Variants in DMXL1 observed in about 807,000 individuals in gnomAD.
The protein encoded by DMXL1 is Dmx like 1.
In DMXL1, 99 loss-of-function variants were observed where a neutral mutation model predicts 319.2. The observed-to-expected ratio is 0.31, with a 90% CI of 0.26 to 0.37. The LOEUF (loss-of-function observed/expected upper bound fraction) is 0.37. DMXL1 is among the 10% of genes least tolerant of loss of function. The pLI, the probability that DMXL1 is intolerant of heterozygous loss-of-function variation, is 1.00. For missense variants in DMXL1, 3,745 were observed against 3,595.6 expected (o/e 1.04, Z -1.06); for synonymous variants, 1,385 against 1,235.2 (o/e 1.12, Z -2.54).
At chr5:119,239,131 T>A in intron 41 of DMXL1, 51 bp downstream of exon 41, 1 of 1,580,646 alleles carries the variant, frequency 6.3e-7, no homozygotes, top group Non-Finnish European at 8.6e-7. Context: ...GCTGAACTTT[T>A]TTTTATTGTT....
At chr5:119,138,252 G>GA (rs567557370) in intron 13 of DMXL1, among the ~76,000 whole-genome samples, 3 of 151,990 alleles carry the variant, frequency 2.0e-5, no homozygotes, top group Admixed American at 6.5e-5. Context: ...GTATGTGTGA[G>GA]AAAAAAAGAG....
chr5:119,152,889 T>C (rs1401979670), intron 19 of DMXL1, among the ~76,000 whole-genome samples: 4 of 152,224 alleles, frequency 2.6e-5, no homozygotes, highest in Non-Finnish European at 5.9e-5. Context: ...CTCTGTCTCT[T>C]TGTTTCTCTC....
At chr5:119,154,865 G>A (rs1013680388) in intron 19 of DMXL1, 2 of 152,182 alleles carry the variant, frequency 1.3e-5, no homozygotes, top group Non-Finnish European at 2.9e-5. Context: ...TCTTGTTAGG[G>A]GCTAATGCAG....
chr5:119,100,540 A>G (rs1757016079), intron 2 of DMXL1: 1 of 151,880 alleles, frequency 6.6e-6, no homozygotes, highest in Non-Finnish European at 1.5e-5. Context: ...TTCTGAGAAA[A>G]TTAATCCTCA....
At chr5:119,080,964 G>A (rs1360255327) in intron 1 of DMXL1, among the ~76,000 whole-genome samples, 6 of 152,080 alleles carry the variant, frequency 3.9e-5, no homozygotes, top group Non-Finnish European at 7.4e-5. Context: ...CATCCCTAAA[G>A]GCTTGGTTTT....
Position 119,071,226 on chromosome 5 carries a change from G to A in DMXL1, c.-344G>A, listed in dbSNP as rs1749456002. The A allele has an allele frequency of 6.5e-6, 2 of 306,992 alleles. No individual in the cohort carries two copies. Among genetic ancestry groups the A allele is most frequent in the Non-Finnish European group, 1.2e-5 (2 of 162,460 alleles). 19.0% of individuals were successfully genotyped at this position (306,992 alleles called of 1,614,324 possible). A position where few individuals can be genotyped will look rare whatever the true frequency, so the allele number is the denominator to read the frequency against. On this transcript the variant is annotated 5_prime_UTR_variant, in exon 1 of 44. Coordinates refer to ENST00000539542, the MANE Select transcript of DMXL1 (RefSeq NM_001290321.3). ...AGGAGCGGCTGCCCGAGGTCCAGAG[G>A]AAGTGTGTGGACAGCGCGGCCTTCC...
intron 23 of DMXL1, among the ~76,000 whole-genome samples, chr5:119,168,262 A>G (rs1773836022): frequency 1.3e-5 from 2 of 152,176 alleles, no homozygotes. Flanking sequence ...TGATAAGAAA[A>G]TCTTTAGCTA....
Position 119,177,977 on chromosome 5 carries a change from T to C in DMXL1, c.6887-19T>C. ...AAAAATTTATAGTCAGTGACAGCTATGTTTGTTTGTCGTTCTAGGAATAAC... is the reference window on the plus strand; with the variant it reads ...AAAAATTTATAGTCAGTGACAGCTACGTTTGTTTGTCGTTCTAGGAATAAC... On this transcript the variant is annotated intron_variant, in intron 27 of 43. Transcript: ENST00000539542. 1 of 1,573,588 alleles carries C rather than the reference T, an allele frequency of 6.4e-7. No homozygotes were observed. Among genetic ancestry groups the C allele is most frequent in the Non-Finnish European group, 8.6e-7 (1 of 1,159,468 alleles).
intron 26 of DMXL1, among the ~76,000 whole-genome samples, chr5:119,175,956 T>C (rs1224256632): frequency 2.0e-5 from 3 of 152,110 alleles, no homozygotes; most frequent in Non-Finnish European, 4.4e-5. Flanking sequence ...ATCTCTCTTC[T>C]ATCTTTCCTA....
chr5:119,095,259 T>C (rs1048298922), intron 1 of DMXL1, among the ~76,000 whole-genome samples: 1 of 152,224 alleles, frequency 6.6e-6, no homozygotes, highest in African/African-American at 2.4e-5. Flanking sequence ...AGTAGTATGA[T>C]GCAGCAGCAG....
chr5:119,118,981 G>C lies in DMXL1; in HGVS notation c.910G>C (p.Glu304Gln). 1 of 1,611,638 alleles carries C rather than the reference G, an allele frequency of 6.2e-7. No individual in the cohort carries two copies. Among genetic ancestry groups the C allele is most frequent in the African/African-American group, 1.3e-5 (1 of 74,940 alleles). Residue 304 changes from glutamate to glutamine, a missense_variant, in exon 8 of 44, where the codon GAA becomes CAA. Around this residue, in one of 4 missense-constraint regions of DMXL1, gnomAD observed 2,096 missense variants for 1,985.4 expected, o/e 1.06. Coordinates refer to ENST00000539542, the MANE Select transcript of DMXL1 (RefSeq NM_001290321.3). ...NNFKRNASSK[E>Q]RVQNALEVNL... ...CTTCAAGAGAAATGCTTCCAGTAAA[G>C]AACGAGTTCAAAATGCTTTAGAAGT...
Position 119,144,517 on chromosome 5 carries a change from G to C in DMXL1, c.2467-19G>C. 6.5e-7 allele frequency: 1 copy of C among 1,543,196 alleles called. No individual in the cohort carries two copies. The highest frequency in any genetic ancestry group is 2.3e-5 in the East Asian group (1 of 43,540). ...AATAACACATAGGTCAACTTACGTT[G>C]ATATTTATTTATATTCAGCATGGCA... On this transcript the variant is annotated intron_variant, in intron 14 of 43. Coordinates refer to ENST00000539542, the MANE Select transcript of DMXL1 (RefSeq NM_001290321.3).
At chr5:119,116,444 A>G (rs1160949873) in intron 7 of DMXL1, 108 bp downstream of exon 7, 8 of 1,216,118 alleles carry the variant, frequency 6.6e-6, no homozygotes, top group Non-Finnish European at 9.3e-6. Context: ...TTCTGAGCCT[A>G]TGAAGATTAG....
At chr5:119,086,163 G>C (rs1034419022) in intron 1 of DMXL1, among the ~76,000 whole-genome samples, 22 of 152,160 alleles carry the variant, frequency 1.4e-4, no homozygotes, top group African/African-American at 5.1e-4. Context: ...GAGAGAATGA[G>C]AGCCAAGCAA....
chr5:119,078,137 C>T (rs992045325), intron 1 of DMXL1, among the ~76,000 whole-genome samples: 1 of 151,988 alleles, frequency 6.6e-6, no homozygotes, highest in Non-Finnish European at 1.5e-5. Flanking sequence ...CATTCTGTTT[C>T]ATTTATTTAT....
intron 14 of DMXL1, 112 bp from the exon 15 acceptor site, chr5:119,144,424 G>A (rs2150113861): frequency 2.6e-6 from 2 of 778,446 alleles, no homozygotes; most frequent in Non-Finnish European, 2.1e-6. Context: ...CTGAACTTTT[G>A]ACTTCTTATT....
At chr5:119,086,645 A>G (rs956421760) in intron 1 of DMXL1, among the ~76,000 whole-genome samples, 1 of 152,044 alleles carries the variant, frequency 6.6e-6, no homozygotes, top group Non-Finnish European at 1.5e-5. Flanking sequence ...TAAATGTTTG[A>G]TAGAATTCAG....
chr5:119,147,307 TTCTTC>T lies in DMXL1; in HGVS notation c.2751_2755del (p.Ser918ArgfsTer33). On this transcript the variant is annotated frameshift_variant, in exon 17 of 44. Coordinates refer to ENST00000539542, the MANE Select transcript of DMXL1 (RefSeq NM_001290321.3). LOFTEE classifies it high-confidence loss of function. ...TTTGGCAGCCAGAAGAACATTATTCTTCTTCTCCAGAGAAGATCCTATCTCCTTTT... is the reference window on the plus strand; with the variant it reads ...TTTGGCAGCCAGAAGAACATTATTCTTCCAGAGAAGATCCTATCTCCTTTT... 1 of 1,613,566 alleles carries T rather than the reference TTCTTC, an allele frequency of 6.2e-7. No homozygotes were observed. The highest frequency in any genetic ancestry group is 1.7e-4 in the Middle Eastern group (1 of 6,058).
intron 23 of DMXL1, among the ~76,000 whole-genome samples, chr5:119,169,765 T>C (rs572282755): frequency 6.6e-6 from 1 of 151,968 alleles, no homozygotes; most frequent in Non-Finnish European, 1.5e-5. Flanking sequence ...GGGGACTATA[T>C]GAATTCAACT....
Sources: gnomAD v4.1 joint callset for allele counts (sites outside exome capture counted in the v4.1 genomes callset) on GRCh38, gnomAD v4.1.1 for gene constraint, gnomAD v4.1.1 regional missense constraint, MANE v1.5 for transcripts, NCBI Gene and HGNC (gene_info 2026-07-23, HGNC 2026-07-21) for gene names.